UNC79: variants seen among roughly 807,000 people sequenced by gnomAD.
UNC79 encodes the protein unc-79 subunit of NALCN channel complex.
A neutral mutation model predicts 283.1 loss-of-function variants in UNC79; 37 were observed. The ratio of observed to expected loss-of-function variants is 0.13; its 90% CI spans 0.10 to 0.17. The LOEUF (loss-of-function observed/expected upper bound fraction) is 0.17, where lower values mean the gene tolerates loss of function less well. Among genes scored for constraint, UNC79 ranks in the 10% least tolerant of loss-of-function variants. UNC79 has a pLI of 1.00. For synonymous variants in UNC79, 1,107 were observed against 1,200.2 expected (o/e 0.92, Z 1.61); for missense variants, 2,272 against 3,211.1 (o/e 0.71, Z 7.07).
At chr14:93,528,673 G>C in intron 9 of UNC79, 27 bp downstream of exon 9, 1 of 1,596,790 alleles carries the variant, frequency 6.3e-7, no homozygotes, top group East Asian at 2.2e-5. Flanking sequence ...TTAAAGAAAA[G>C]GAAATAGGAC....
chr14:93,522,994 A>G (rs1369071517), intron 7 of UNC79, among the ~76,000 whole-genome samples: 3 of 152,186 alleles, frequency 2.0e-5, no homozygotes, highest in Non-Finnish European at 4.4e-5. Flanking sequence ...ATAATTGAAT[A>G]TGTAACTAAG....
exon 15 of UNC79, chr14:93,572,049 A>G (rs767992659): frequency 6.2e-7 from 1 of 1,614,152 alleles, no homozygotes; most frequent in East Asian, 2.2e-5. Flanking sequence ...CAGAAGTCCC[A>G]GATAATCAGT....
At chr14:93,629,550 G>T (rs1469802402) in intron 30 of UNC79, among the ~76,000 whole-genome samples, 35 of 152,098 alleles carry the variant, frequency 2.3e-4, no homozygotes, top group Admixed American at 2.3e-3. Context: ...TATTAATCTG[G>T]CAACCATACC....
intron 1 of UNC79, among the ~76,000 whole-genome samples, chr14:93,433,268 G>A (rs1199243861): frequency 1.3e-5 from 2 of 152,170 alleles, no homozygotes; most frequent in Non-Finnish European, 2.9e-5. Context: ...CTGTGGAAAG[G>A]TTAAGGATGC....
chr14:93,474,219 C>A lies in UNC79; in HGVS notation c.274C>A (p.Pro92Thr), dbSNP rs2057674170. Residue 92 changes from proline (P) to threonine (T), a missense_variant, in exon 3 of 49, where the codon CCT (proline) becomes ACT (threonine). By Grantham distance (38) the Pro-to-Thr change is conservative. Around this residue, in one of 11 missense-constraint regions of UNC79, gnomAD observed 194 missense variants for 268.9 expected, o/e 0.72. Transcript: ENST00000555664. The surrounding 1 kb of genome is among the most constrained non-coding windows in gnomAD (Gnocchi z 4.1). ...AAGACCGCAGGTCAGTTCCATCAAC[C>A]CTACTGTTACTCGCTCCCTCCTTTA... 2 of 1,536,082 alleles carry A rather than the reference C, an allele frequency of 1.3e-6. No homozygotes were observed. The highest frequency in any genetic ancestry group is 1.7e-6 in the Non-Finnish European group (2 of 1,146,878).
intron 14 of UNC79, among the ~76,000 whole-genome samples, chr14:93,561,442 A>G (rs564650314): frequency 3.9e-5 from 6 of 152,290 alleles, no homozygotes; most frequent in South Asian, 2.1e-4. Context: ...GGTGAGGGCT[A>G]TTAAAGGAAG....
At position 93,404,493 on chromosome 14, in the gene UNC79, A is replaced by AAAAAATATATAT; in HGVS notation, c.-350-63177_-350-63176insAAAATATATATA. On this transcript the variant is annotated intron_variant, in intron 1 of 49. Transcript: ENST00000256339. ...TGACAGAGTGAGACCTTCTAAAAAA[A>AAAAAATATATAT]ATATATATATATATATATATAAATA... Among the ~76,000 whole-genome samples the AAAAAATATATAT allele has an allele frequency of 9.8e-5, 6 of 61,500 alleles. No individual in the cohort carries two copies. The South Asian group carries it at 1.4e-3, about 14-fold the overall frequency. 40.3% of individuals were successfully genotyped at this position (61,500 alleles called of 152,430 possible). A position where few individuals can be genotyped will look rare whatever the true frequency, so the allele number is the denominator to read the frequency against.
chr14:93,649,433 C>T (rs181459690), intron 35 of UNC79, among the ~76,000 whole-genome samples: 155 of 152,240 alleles, frequency 1.0e-3, no homozygotes, highest in Non-Finnish European at 1.8e-3. Context: ...ATGCATCCAA[C>T]CATCTATCTA....
chr14:93,350,298 A>G (rs1394784407), intron 1 of UNC79, among the ~76,000 whole-genome samples: 2 of 152,106 alleles, frequency 1.3e-5, no homozygotes, highest in East Asian at 3.8e-4. Context: ...TAAAAAGAAA[A>G]TAGGAAGTAA....
intron 22 of UNC79, among the ~76,000 whole-genome samples, chr14:93,590,421 T>G (rs561966915): frequency 1.3e-5 from 2 of 152,024 alleles, no homozygotes; most frequent in Non-Finnish European, 2.9e-5. Flanking sequence ...GGGAACAGTG[T>G]GAAGTTCGAG....
chr14:93,662,190 G>A (rs2071671878), intron 39 of UNC79, among the ~76,000 whole-genome samples: 1 of 152,128 alleles, frequency 6.6e-6, no homozygotes, highest in African/African-American at 2.4e-5. Context: ...CGTAAGGGTG[G>A]TTTGCACTAC....
intron 38 of UNC79, among the ~76,000 whole-genome samples, chr14:93,657,299 A>AC (rs2081288463): frequency 6.6e-6 from 1 of 152,148 alleles, no homozygotes; most frequent in Non-Finnish European, 1.5e-5. Context: ...TCAGGGCTTC[A>AC]CTGCTAAAGA....
At chr14:93,560,849 C>T (rs774042490) in intron 14 of UNC79, among the ~76,000 whole-genome samples, 4 of 151,916 alleles carry the variant, frequency 2.6e-5, no homozygotes, top group African/African-American at 7.3e-5. Context: ...CCAGCTAGGG[C>T]GGCAGCCGTC....
chr14:93,610,521 A>G (rs772043354), intron 26 of UNC79, among the ~76,000 whole-genome samples: 5 of 152,312 alleles, frequency 3.3e-5, no homozygotes, highest in African/African-American at 7.2e-5. Flanking sequence ...TGGCCCAAAC[A>G]TGTCCAAAGC....
chr14:93,669,134 G>GAACAA (rs1321413334), intron 40 of UNC79, among the ~76,000 whole-genome samples: 2 of 152,040 alleles, frequency 1.3e-5, no homozygotes, highest in Non-Finnish European at 2.9e-5. Context: ...AATTCTCACA[G>GAACAA]AACAACCTAT....
intron 1 of UNC79, among the ~76,000 whole-genome samples, chr14:93,368,626 A>G (rs910493832): frequency 5.3e-5 from 8 of 152,038 alleles, no homozygotes; most frequent in Admixed American, 2.6e-4. Flanking sequence ...GCATGCCACC[A>G]CACCCAGCTA....
At chr14:93,622,065 C>T in exon 30 of UNC79, 3 of 1,614,126 alleles carry the variant, frequency 1.9e-6, no homozygotes. Context: ...ATAGATCTAT[C>T]CTCAGATTCA....
chr14:93,685,143 A>C (rs998904295), intron 42 of UNC79, among the ~76,000 whole-genome samples: 3 of 152,220 alleles, frequency 2.0e-5, no homozygotes, highest in African/African-American at 7.2e-5. Context: ...GGTGGTAGTA[A>C]ATTCCTTGCT....
In UNC79 at chr14:93,581,303, G is replaced by A. The variant is rs992443982; in HGVS notation, c.2662-900G>A. On this transcript the variant is annotated intron_variant, in intron 19 of 48. Transcript: ENST00000555664. The stretch of plus-strand genomic sequence containing the variant: ...AGAATCCTCCTACCTCAGCCTCCTC[G>A]GTAACTGGACACAGGCATGCCACCA... 4.0e-5 allele frequency among the ~76,000 whole-genome samples: 6 copies of A among 150,842 alleles called. No homozygotes were observed. In the East Asian group the frequency reaches 5.9e-4, roughly 15 times the overall value.
Sources: allele counts gnomAD v4.1 joint callset (sites outside exome capture counted in the v4.1 genomes callset), GRCh38; gene constraint gnomAD v4.1.1; regional missense constraint gnomAD v4.1.1; non-coding constraint Gnocchi (gnomAD v3.1); transcripts MANE v1.5; gene names NCBI Gene and HGNC (gene_info 2026-07-23, HGNC 2026-07-21).